Variants in SND1 observed in about 807,000 individuals in gnomAD.
SND1 encodes staphylococcal nuclease domain-containing protein 1.
A neutral mutation model predicts 121.7 loss-of-function variants in SND1; 38 were observed. The observed-to-expected ratio is 0.31, with a 90% confidence interval of 0.24 to 0.41. The LOEUF (loss-of-function observed/expected upper bound fraction) is 0.41. SND1 is among the 10% of genes least tolerant of loss of function. SND1 has a pLI of 1.00. For missense variants in SND1, 868 were observed against 1,184.6 expected, an observed-to-expected ratio of 0.73 and a Z score of 3.92; for synonymous variants, 401 against 447.4, an observed-to-expected ratio of 0.90 and a Z score of 1.31.
At chr7:128,064,333 C>T (rs1304576414) in intron 16 of SND1, among the ~76,000 whole-genome samples, 1 of 152,178 alleles carries the variant, frequency 6.6e-6, no homozygotes, top group Non-Finnish European at 1.5e-5. Context: ...CCACACCCTC[C>T]AGTATCATGG....
chr7:127,883,686 G>A (rs1799840826), intron 12 of SND1, among the ~76,000 whole-genome samples: 2 of 152,126 alleles, frequency 1.3e-5, no homozygotes, highest in African/African-American at 2.4e-5. Context: ...TTTGCCAACT[G>A]TTCTAATGGA....
rs755500186 is a variant in SND1 at position 128,029,416 on chromosome 7, A to G, written c.1779+38360A>G. 1.2e-5 allele frequency: 19 copies of G among 1,614,190 alleles called. No homozygotes were observed. The highest frequency in any genetic ancestry group is 1.3e-5 in the Non-Finnish European group (15 of 1,180,032). Reference sequence around the variant, plus strand: ...GAAAGCAGCACGTGGGAAAAGTTCAAGGTGCCGTCGTTGAGGACAGAGATC... The same window carrying G: ...GAAAGCAGCACGTGGGAAAAGTTCAGGGTGCCGTCGTTGAGGACAGAGATC... On this transcript the variant is annotated intron_variant, in intron 16 of 23. Transcript: ENST00000354725. The surrounding 1 kb of genome is among the most constrained non-coding windows in gnomAD (Gnocchi z 4.2).
At chr7:127,870,112 C>G (rs1316500397) in intron 12 of SND1, among the ~76,000 whole-genome samples, 2 of 152,136 alleles carry the variant, frequency 1.3e-5, no homozygotes, top group East Asian at 3.8e-4. Flanking sequence ...ATCTCTGGGT[C>G]TCAGTTTAGC....
intron 15 of SND1, among the ~76,000 whole-genome samples, chr7:127,952,961 G>A (rs887984456): frequency 3.3e-5 from 5 of 151,998 alleles, no homozygotes; most frequent in Admixed American, 2.6e-4. Flanking sequence ...CCAGGAGTTC[G>A]AGACCAGCCC....
chr7:127,910,042 T>A (rs1057430776), intron 14 of SND1, among the ~76,000 whole-genome samples: 4 of 152,234 alleles, frequency 2.6e-5, no homozygotes, highest in Non-Finnish European at 4.4e-5. Context: ...ACTGTCATCC[T>A]TTCTTTGAGG....
At chr7:127,941,658 C>A (rs1455008904) in intron 15 of SND1, among the ~76,000 whole-genome samples, 1 of 152,016 alleles carries the variant, frequency 6.6e-6, no homozygotes, top group Non-Finnish European at 1.5e-5. Flanking sequence ...GCTAGGCATG[C>A]GGTTATTAAC....
chr7:127,813,163 A>C (rs747403003), intron 11 of SND1, among the ~76,000 whole-genome samples: 14 of 152,184 alleles, frequency 9.2e-5, no homozygotes, highest in Non-Finnish European at 1.9e-4. Flanking sequence ...AATGACTTGT[A>C]ATTTCCGACC....
At chr7:127,722,295 A>C (rs1796509498) in intron 10 of SND1, among the ~76,000 whole-genome samples, 1 of 148,082 alleles carries the variant, frequency 6.8e-6, no homozygotes, top group Non-Finnish European at 1.5e-5. Context: ...TGTGTGTACT[A>C]TCTACTGCCT....
intron 12 of SND1, among the ~76,000 whole-genome samples, chr7:127,871,435 G>T (rs141764736): frequency 3.9e-5 from 6 of 152,230 alleles, no homozygotes; most frequent in Non-Finnish European, 8.8e-5. Flanking sequence ...GCATTGTGCT[G>T]CAGGCTATGA....
chr7:127,929,455 G>C (rs1800916398), intron 15 of SND1, 126 bp downstream of exon 15: 1 of 949,074 alleles, frequency 1.1e-6, no homozygotes, highest in African/African-American at 1.6e-5. Flanking sequence ...TCTCTGGTTG[G>C]GATATGCAAA....
intron 10 of SND1, among the ~76,000 whole-genome samples, chr7:127,766,491 T>G (rs541219618): frequency 6.6e-4 from 101 of 152,250 alleles, no homozygotes; most frequent in African/African-American, 2.4e-3. Context: ...TTTTCTTATC[T>G]TAGGCCGGGC....
intron 1 of SND1, among the ~76,000 whole-genome samples, chr7:127,672,679 C>T (rs936729473): frequency 6.6e-6 from 1 of 152,068 alleles, no homozygotes; most frequent in Non-Finnish European, 1.5e-5. Flanking sequence ...GGCAAACTCC[C>T]TTCAGATTTT....
At chr7:127,923,136 G>A (rs62481447) in intron 14 of SND1, among the ~76,000 whole-genome samples, 7 of 151,938 alleles carry the variant, frequency 4.6e-5, no homozygotes, top group African/African-American at 1.7e-4. Flanking sequence ...CTACAGGCCC[G>A]CACCACCATG....
chr7:128,051,102 G>A (rs537978016), intron 16 of SND1, among the ~76,000 whole-genome samples: 5 of 152,320 alleles, frequency 3.3e-5, no homozygotes, highest in African/African-American at 9.6e-5. Flanking sequence ...TGCCCTGTGT[G>A]CTTGCTTCCA....
chr7:127,809,253 C>A (rs868415946), intron 11 of SND1, among the ~76,000 whole-genome samples: 1 of 152,158 alleles, frequency 6.6e-6, no homozygotes, highest in East Asian at 1.9e-4. Flanking sequence ...TTATTGGTTC[C>A]TGTGCAACAG....
At chr7:127,711,976 C>T (rs1370190551) in intron 9 of SND1, among the ~76,000 whole-genome samples, 1 of 151,386 alleles carries the variant, frequency 6.6e-6, no homozygotes, top group East Asian at 1.9e-4. Flanking sequence ...TTTTACTGCG[C>T]ACTCACTATG....
At chr7:127,756,735 G>A (rs58583807) in intron 10 of SND1, among the ~76,000 whole-genome samples, 49,883 of 152,116 alleles carry the variant, frequency 0.33, 9,024 homozygotes, top group Middle Eastern at 0.42. Flanking sequence ...TAAATTAGAT[G>A]TACAGCTTCT....
chr7:127,772,265 G>A (rs1030654771), intron 10 of SND1, among the ~76,000 whole-genome samples: 1 of 152,200 alleles, frequency 6.6e-6, no homozygotes, highest in Non-Finnish European at 1.5e-5. Flanking sequence ...GCCAAAATTA[G>A]ATTTAAGTAC....
chr7:127,857,579 G>GGGA (rs1292554891), intron 12 of SND1, among the ~76,000 whole-genome samples: 1 of 151,458 alleles, frequency 6.6e-6, no homozygotes, highest in African/African-American at 2.4e-5. Context: ...AGTCCAGGCA[G>GGGA]GGAGGCCACG....
Sources: allele counts gnomAD v4.1 joint callset (sites outside exome capture counted in the v4.1 genomes callset), GRCh38; gene constraint gnomAD v4.1.1; non-coding constraint Gnocchi (gnomAD v3.1); transcripts MANE v1.5; gene names NCBI Gene and HGNC (gene_info 2026-07-23, HGNC 2026-07-21).